The following RAI2 variants were observed in gnomAD, a reference collection of about 807,000 sequenced individuals.
RAI2 encodes retinoic acid induced 2.
Under a neutral mutation model 15.3 loss-of-function variants are expected in RAI2, and 5 were observed. That is an observed-to-expected ratio of 0.33 (90% CI 0.17 to 0.69). The LOEUF is 0.69. RAI2 is among the 30% of genes least tolerant of loss of function. The pLI, the probability that RAI2 is intolerant of heterozygous loss-of-function variation, is 0.69. For synonymous variants in RAI2, 191 were observed against 184.0 expected (o/e 1.04, Z -0.31); for missense variants, 424 against 424.7 (o/e 1.00, Z 0.01).
intron 1 of RAI2, among the ~76,000 whole-genome samples, chrX:17,815,333 A>G (rs958755601): frequency 2.3e-5 from 2 of 85,668 alleles, no homozygotes; most frequent in East Asian, 6.1e-4. Flanking sequence ...GCACACACAC[A>G]CACACACACA....
intron 1 of RAI2, among the ~76,000 whole-genome samples, chrX:17,823,678 C>A (rs2147240564): frequency 8.9e-6 from 1 of 111,848 alleles, no homozygotes; most frequent in African/African-American, 3.2e-5. Flanking sequence ...TTTGAAAGAC[C>A]CAGATAAGTC....
At position 17,800,471 on chromosome X, in the gene RAI2, G is replaced by A. The variant is rs143944015; in HGVS notation, c.1540C>T (p.His514Tyr). The A allele has an allele frequency of 2.4e-5, 29 of 1,207,757 alleles. No individual in the cohort carries two copies. The African/African-American group carries it at 5.1e-4, about 21-fold the overall frequency. ...CGTTGTTTTTTGATTGGGAGCATGT[G>A]TATTTCCTGGGAGTTCACTTTCTTT... The part of the protein sequence containing the change: ...KLKKVNSQEI[H>Y]MLPIKKQRLA... Residue 514 changes from histidine to tyrosine, a missense_variant, in exon 2 of 2, where the codon CAC (histidine) becomes TAC (tyrosine). His to Tyr is a moderately conservative substitution (Grantham distance 83). Coordinates refer to ENST00000451717, the MANE Select transcript of RAI2 (RefSeq NM_021785.6).
intron 1 of RAI2, among the ~76,000 whole-genome samples, chrX:17,803,614 G>T: frequency 8.9e-6 from 1 of 112,598 alleles, no homozygotes; most frequent in South Asian, 3.7e-4. Context: ...CAACTCTGTG[G>T]TATTTCCAGG....
intron 1 of RAI2, among the ~76,000 whole-genome samples, chrX:17,838,427 C>T (rs955343585): frequency 3.6e-5 from 4 of 111,687 alleles, no homozygotes; most frequent in African/African-American, 1.3e-4. Flanking sequence ...TACTGTCTCT[C>T]TCTGTCTTTC....
chrX:17,805,489 G>A (rs184247354), intron 1 of RAI2, among the ~76,000 whole-genome samples: 12 of 112,411 alleles, frequency 1.1e-4, no homozygotes, highest in African/African-American at 3.6e-4. Flanking sequence ...TTACTCACCT[G>A]TCCCCAGCCT....
chrX:17,860,116 C>T (rs1230399596), intron 1 of RAI2, among the ~76,000 whole-genome samples: 1 of 111,277 alleles, frequency 9.0e-6, no homozygotes, highest in Non-Finnish European at 1.9e-5. Flanking sequence ...GTGCCCCATC[C>T]CTCTCTCCAT....
chrX:17,824,727 G>A (rs1176780769), intron 1 of RAI2, among the ~76,000 whole-genome samples: 1 of 112,261 alleles, frequency 8.9e-6, no homozygotes, highest in Non-Finnish European at 1.9e-5. Context: ...CAACACTGCA[G>A]ATGGTTATTA....
intron 1 of RAI2, among the ~76,000 whole-genome samples, chrX:17,838,598 G>T (rs763981303): frequency 1.8e-5 from 2 of 109,612 alleles, no homozygotes; most frequent in African/African-American, 3.3e-5. Context: ...TCTTTGGTGC[G>T]CAACATGAAT....
chrX:17,835,619 G>A (rs1286287134), intron 1 of RAI2, among the ~76,000 whole-genome samples: 1 of 111,622 alleles, frequency 9.0e-6, no homozygotes, highest in Non-Finnish European at 1.9e-5. Flanking sequence ...ATAGGTCCGT[G>A]TGTTTATCCC....
At chrX:17,828,767 T>C (rs182912426) in intron 1 of RAI2, among the ~76,000 whole-genome samples, 167 of 111,354 alleles carry the variant, frequency 1.5e-3, no homozygotes, top group African/African-American at 5.3e-3. Flanking sequence ...CGTGGTATGG[T>C]AAACCCAGAA....
At chrX:17,842,827 C>T (rs2067414924) in intron 1 of RAI2, among the ~76,000 whole-genome samples, 1 of 111,545 alleles carries the variant, frequency 9.0e-6, no homozygotes, top group African/African-American at 3.3e-5. Context: ...ACAAGATTTA[C>T]TACCAAGGTA....
chrX:17,811,750 A>AT (rs1412435978), intron 1 of RAI2, among the ~76,000 whole-genome samples: 1 of 111,598 alleles, frequency 9.0e-6, no homozygotes, highest in East Asian at 2.8e-4. Flanking sequence ...ACCCTTTGGC[A>AT]TGGAGACAGT....
intron 1 of RAI2, among the ~76,000 whole-genome samples, chrX:17,807,887 T>G (rs2066999712): frequency 8.9e-6 from 1 of 112,181 alleles, no homozygotes; most frequent in South Asian, 3.7e-4. Context: ...TTTCTCAAGA[T>G]ATGGGTTTTC....
chrX:17,857,053 T>C (rs1233383715), intron 1 of RAI2, among the ~76,000 whole-genome samples: 4 of 111,669 alleles, frequency 3.6e-5, no homozygotes, highest in Admixed American at 9.5e-5. Context: ...AATGAGATGA[T>C]GGGCACCCGG....
intron 1 of RAI2, chrX:17,860,578 C>G (rs1158550633): frequency 8.9e-6 from 1 of 112,705 alleles, no homozygotes; most frequent in East Asian, 2.8e-4. Flanking sequence ...TGGCAAAACC[C>G]AACTTTCCAC....
intron 1 of RAI2, among the ~76,000 whole-genome samples, chrX:17,824,707 A>T (rs2067207473): frequency 8.9e-6 from 1 of 112,216 alleles, no homozygotes; most frequent in Non-Finnish European, 1.9e-5. Context: ...CAGCAATTTG[A>T]AGCCTTGTCC....
chrX:17,832,906 G>A lies in RAI2; in HGVS notation c.-25+28192C>T, dbSNP rs1297163830. Among the ~76,000 whole-genome samples, 3 of 111,675 alleles carry A rather than the reference G, an allele frequency of 2.7e-5. No individual in the cohort carries two copies. In the East Asian group the frequency reaches 8.5e-4, roughly 32 times the overall value. On this transcript the variant is annotated intron_variant, in intron 1 of 1. Transcript: ENST00000451717. ...AGTCTTGCCACTCAGGATCCAGAAC[G>A]CTTGTTTATGCAGTGGTGAGTGGAT...
At chrX:17,825,013 T>A (rs1406493671) in intron 1 of RAI2, among the ~76,000 whole-genome samples, 2 of 112,550 alleles carry the variant, frequency 1.8e-5, no homozygotes, top group Non-Finnish European at 3.8e-5. Flanking sequence ...AACCATCCCA[T>A]CTGAAGCTAT....
intron 1 of RAI2, among the ~76,000 whole-genome samples, chrX:17,819,164 A>G (rs1356045286): frequency 8.9e-6 from 1 of 112,258 alleles, no homozygotes; most frequent in African/African-American, 3.2e-5. Flanking sequence ...GACAGGGATG[A>G]TTAGTAGAAA....
Sources: gnomAD v4.1 joint callset for allele counts (sites outside exome capture counted in the v4.1 genomes callset) on GRCh38, gnomAD v4.1.1 for gene constraint, MANE v1.5 for transcripts, NCBI Gene and HGNC (gene_info 2026-07-23, HGNC 2026-07-21) for gene names.